The following SIPA1L1 variants were observed in gnomAD, a reference collection of about 807,000 sequenced individuals.
SIPA1L1 encodes the protein signal-induced proliferation-associated 1-like protein 1.
In SIPA1L1, 26 loss-of-function variants were observed where a neutral mutation model predicts 162.7. The ratio of observed to expected loss-of-function variants is 0.16; its 90% CI spans 0.12 to 0.22. The LOEUF (loss-of-function observed/expected upper bound fraction) is 0.22. SIPA1L1 is among the 10% of genes least tolerant of loss of function. SIPA1L1 has a pLI of 1.00. For synonymous variants in SIPA1L1, 829 were observed against 837.4 expected (o/e 0.99, Z 0.17); for missense variants, 1,874 against 2,241.0 (o/e 0.84, Z 3.31).
chr14:71,543,524 A>G (rs1317451495), intron 4 of SIPA1L1, among the ~76,000 whole-genome samples: 1 of 152,170 alleles, frequency 6.6e-6, no homozygotes, highest in Non-Finnish European at 1.5e-5. Flanking sequence ...TGAGGGTTCC[A>G]GTTGCTCCAC....
chr14:71,606,278 G>T (rs1014851909), intron 5 of SIPA1L1, among the ~76,000 whole-genome samples: 1 of 152,176 alleles, frequency 6.6e-6, no homozygotes, highest in Non-Finnish European at 1.5e-5. Flanking sequence ...CGTGAAGTCT[G>T]TCTGGGCATG....
chr14:71,699,337 A>G (rs759750398), intron 14 of SIPA1L1, among the ~76,000 whole-genome samples: 3 of 152,246 alleles, frequency 2.0e-5, no homozygotes, highest in Non-Finnish European at 2.9e-5. Flanking sequence ...TCTAGCCTCT[A>G]CGAGGAACTA....
rs543272663 is a variant in SIPA1L1 at position 71,507,814 on chromosome 14, T to C, written c.-464-4929T>C. 8.5e-5 allele frequency among the ~76,000 whole-genome samples: 13 copies of C among 152,336 alleles called. No homozygotes were observed. The East Asian group carries it at 2.1e-3, about 25-fold the overall frequency. On this transcript the variant is annotated intron_variant, in intron 2 of 23. Coordinates refer to ENST00000381232, the MANE Select transcript of SIPA1L1 (RefSeq NM_001386936.1). Reference sequence around the variant, plus strand: ...TCCCCTAAAGCTATAACTCTAGCCCTGTCAGCCTTCTCTTACCAGCCAGAG... The same window carrying C: ...TCCCCTAAAGCTATAACTCTAGCCCCGTCAGCCTTCTCTTACCAGCCAGAG...
At chr14:71,699,781 G>A (rs1469664514) in intron 14 of SIPA1L1, among the ~76,000 whole-genome samples, 2 of 152,194 alleles carry the variant, frequency 1.3e-5, no homozygotes, top group Non-Finnish European at 2.9e-5. Flanking sequence ...TAGAGAAGAA[G>A]GGTCCAGCCC....
chr14:71,491,813 C>CACACACACAA (rs1555437273), intron 2 of SIPA1L1, among the ~76,000 whole-genome samples: 2 of 147,906 alleles, frequency 1.4e-5, no homozygotes, highest in East Asian at 4.0e-4. Flanking sequence ...CACACACACA[C>CACACACACAA]CCCTTCCCCC....
At chr14:71,568,076 C>T (rs2062324178) in intron 4 of SIPA1L1, among the ~76,000 whole-genome samples, 1 of 152,158 alleles carries the variant, frequency 6.6e-6, no homozygotes, top group African/African-American at 2.4e-5. Context: ...TTATCACAAC[C>T]TGTTTTATCA....
intron 2 of SIPA1L1, among the ~76,000 whole-genome samples, chr14:71,387,270 A>G (rs1277054437): frequency 7.0e-6 from 1 of 142,864 alleles, no homozygotes; most frequent in Non-Finnish European, 1.6e-5. Flanking sequence ...AAAAAAAAAA[A>G]AAAAAAGAAA....
At chr14:71,502,253 AAAAT>A (rs1567114770) in intron 2 of SIPA1L1, among the ~76,000 whole-genome samples, 2 of 89,904 alleles carry the variant, frequency 2.2e-5, no homozygotes, top group East Asian at 2.9e-4. Flanking sequence ...AAAAAAAAAA[AAAAT>A]ATATATATAT....
At chr14:71,698,921 C>A in intron 13 of SIPA1L1, 60 bp from the exon 14 acceptor site, 3 of 1,564,434 alleles carry the variant, frequency 1.9e-6, no homozygotes, top group South Asian at 2.2e-5. Flanking sequence ...ATCCATCATG[C>A]GTTGCCTTGG....
intron 10 of SIPA1L1, among the ~76,000 whole-genome samples, chr14:71,670,261 G>C (rs961867583): frequency 1.6e-4 from 25 of 151,954 alleles, no homozygotes; most frequent in African/African-American, 3.1e-4. Context: ...TCCTTTTGAG[G>C]TTAAAAATAA....
chr14:71,435,764 A>G (rs944495275), intron 2 of SIPA1L1, among the ~76,000 whole-genome samples: 4 of 152,202 alleles, frequency 2.6e-5, no homozygotes, highest in African/African-American at 9.7e-5. Flanking sequence ...GTCCTCCACA[A>G]TGGTTGAACT....
chr14:71,709,422 G>A lies in SIPA1L1; in HGVS notation c.3966G>A (p.Leu1322=). 2 of 1,614,194 alleles carry A rather than the reference G, an allele frequency of 1.2e-6. No individual in the cohort carries two copies. The highest frequency in any genetic ancestry group is 1.7e-6 in the Non-Finnish European group (2 of 1,180,018). The change falls in exon 17 of 24, where the codon CTG becomes CTA. Residue 1322 remains leucine (L), a synonymous_variant. Transcript: ENST00000381232. The part of the protein sequence containing the change: ...YGPSHGSTAS[L]GAATSSPRSG... ...CCAGCCACGGCAGCACAGCCTCGCT[G>A]GGGGCTGCCACATCGTCACCTCGCT...
intron 22 of SIPA1L1, among the ~76,000 whole-genome samples, chr14:71,736,598 A>G (rs1324149959): frequency 6.6e-6 from 1 of 152,110 alleles, no homozygotes; most frequent in Non-Finnish European, 1.5e-5. Flanking sequence ...ATTTGTTATG[A>G]GTATAGGAGA....
chr14:71,609,205 T>C (rs1355715464), intron 5 of SIPA1L1, among the ~76,000 whole-genome samples: 1 of 152,106 alleles, frequency 6.6e-6, no homozygotes, highest in East Asian at 1.9e-4. Flanking sequence ...TTTTTTGTTG[T>C]TGTTGCCCCA....
chr14:71,644,600 G>A (rs118162138), intron 7 of SIPA1L1, among the ~76,000 whole-genome samples: 209 of 152,240 alleles, frequency 1.4e-3, no homozygotes, highest in Non-Finnish European at 2.5e-3. Context: ...TGGAAAAATT[G>A]GTTCTCTTAT....
chr14:71,396,163 T>G lies in SIPA1L1; in HGVS notation c.-465+74982T>G, dbSNP rs1218733129. Among the ~76,000 whole-genome samples, 5 of 152,374 alleles carry G rather than the reference T, an allele frequency of 3.3e-5. No homozygotes were observed. The East Asian group carries it at 9.6e-4, about 29-fold the overall frequency. ...TCCGCCATCTAGCCACTTATCCATT[T>G]ATGCATGCATCTAGTAAATATTTAT... On this transcript the variant is annotated intron_variant, in intron 2 of 23. Transcript: ENST00000381232.
intron 2 of SIPA1L1, among the ~76,000 whole-genome samples, chr14:71,407,923 T>A (rs947746256): frequency 6.6e-6 from 1 of 152,186 alleles, no homozygotes; most frequent in Non-Finnish European, 1.5e-5. Flanking sequence ...TGGATTCAAT[T>A]ATATTCCACC....
chr14:71,638,200 CT>C (rs1194634830), intron 7 of SIPA1L1, among the ~76,000 whole-genome samples: 1 of 151,930 alleles, frequency 6.6e-6, no homozygotes, highest in African/African-American at 2.4e-5. Flanking sequence ...TTAAATTTAA[CT>C]TTATGAAGCC....
At chr14:71,385,306 T>G (rs896214062) in intron 2 of SIPA1L1, among the ~76,000 whole-genome samples, 1 of 152,188 alleles carries the variant, frequency 6.6e-6, no homozygotes, top group Non-Finnish European at 1.5e-5. Context: ...TTGTCTTTGG[T>G]GGAGTGAGGA....
Sources: allele counts gnomAD v4.1 joint callset (sites outside exome capture counted in the v4.1 genomes callset), GRCh38; gene constraint gnomAD v4.1.1; transcripts MANE v1.5; gene names NCBI Gene and HGNC (gene_info 2026-07-23, HGNC 2026-07-21).